The following GATB variants were observed in gnomAD, a reference collection of about 807,000 sequenced individuals.
The protein encoded by GATB is glutamyl-tRNA amidotransferase subunit B, also known as glutamyl-tRNA(Gln) amidotransferase subunit B, mitochondrial.
A neutral mutation model predicts 62.3 loss-of-function variants in GATB; 39 were observed. The ratio of observed to expected loss-of-function variants is 0.63; its 90% CI spans 0.48 to 0.82. The LOEUF (loss-of-function observed/expected upper bound fraction) is 0.82, where lower values mean the gene tolerates loss of function less well. GATB is among the 40% of genes least tolerant of loss of function. The pLI is 0.00. For synonymous variants in GATB, 276 were observed against 258.9 expected, an observed-to-expected ratio of 1.07 and a Z score of -0.63; for missense variants, 670 against 684.0, an observed-to-expected ratio of 0.98 and a Z score of 0.23.
rs765475954 is a variant in GATB, at chr4:151,671,256, A to C, written c.1592T>G (p.Ile531Ser). The change falls in exon 13 of 13, where the codon ATT (isoleucine) becomes AGT (serine). Residue 531 changes from isoleucine (I) to serine (S), a missense_variant. Ile to Ser is a moderately radical substitution (Grantham distance 142). Transcript: ENST00000263985. The stretch of plus-strand genomic sequence containing the variant: ...TTGAGTCGCTTTCCGGACCAACCCA[A>C]TCAGTTTATTTATAGCTCTGGGGTT... ...NRNPRAINKL[I>S]GLVRKATQSR... 1 of 1,613,810 alleles carries C rather than the reference A, an allele frequency of 6.2e-7. No individual in the cohort carries two copies. The highest frequency in any genetic ancestry group is 1.3e-5 in the African/African-American group (1 of 74,892).
At chr4:151,727,339 G>A (rs186804072) in intron 2 of GATB, among the ~76,000 whole-genome samples, 191 of 152,306 alleles carry the variant, frequency 1.3e-3, no homozygotes, top group African/African-American at 4.4e-3. Flanking sequence ...CCCTAATATG[G>A]ATGAAAAGAG....
chr4:151,710,608 G>T (rs987697762), intron 5 of GATB, among the ~76,000 whole-genome samples: 2 of 152,260 alleles, frequency 1.3e-5, no homozygotes, highest in Non-Finnish European at 2.9e-5. Context: ...CACAGGACAC[G>T]CTTGTCTTCA....
chr4:151,729,377 T>C (rs1215702791), intron 2 of GATB, among the ~76,000 whole-genome samples: 1 of 152,154 alleles, frequency 6.6e-6, no homozygotes, highest in Non-Finnish European at 1.5e-5. Context: ...CTAAATGCAA[T>C]GGGTGCTCTT....
chr4:151,754,495 G>T (rs1198752961), intron 2 of GATB, among the ~76,000 whole-genome samples: 1 of 152,160 alleles, frequency 6.6e-6, no homozygotes, highest in African/African-American at 2.4e-5. Context: ...CGTCTACCAA[G>T]TTCAAAACTG....
intron 2 of GATB, among the ~76,000 whole-genome samples, chr4:151,748,866 C>G (rs1407366040): frequency 6.6e-6 from 1 of 152,204 alleles, no homozygotes; most frequent in Non-Finnish European, 1.5e-5. Context: ...ATAGACACTT[C>G]TCAAAAGAAG....
intron 1 of GATB, among the ~76,000 whole-genome samples, 160 bp downstream of exon 1, chr4:151,760,647 T>G (rs1560870041): frequency 6.6e-6 from 1 of 152,176 alleles, no homozygotes; most frequent in African/African-American, 2.4e-5. Flanking sequence ...TGATAGAAAG[T>G]CTGTTTGTGC....
intron 2 of GATB, chr4:151,722,279 G>A (rs1739047141): frequency 1.4e-6 from 1 of 697,222 alleles, no homozygotes; most frequent in African/African-American, 1.8e-5. Context: ...AGATAAATAG[G>A]ACTCTGTCTC....
At position 151,671,208 on chromosome 4, in the gene GATB, A is replaced by G; in HGVS notation, c.1640T>C (p.Ile547Thr). ...CAGCTTCTTCTCCAGGATCTCCTTT[A>G]TCATGACTGGATCTGCTCGGCTTTG... ...ATQSRADPVM[I>T]KEILEKKLSL The change falls in exon 13 of 13, where the codon ATA (isoleucine) becomes ACA (threonine). Residue 547 changes from isoleucine (I) to threonine (T), a missense_variant. By Grantham distance (89) the Ile-to-Thr change is moderately conservative. Coordinates refer to ENST00000263985, the MANE Select transcript of GATB (RefSeq NM_004564.3). 6.2e-7 allele frequency: 1 copy of G among 1,614,182 alleles called. No homozygotes were observed. The highest frequency in any genetic ancestry group is 2.2e-5 in the East Asian group (1 of 44,880).
chr4:151,728,264 C>A (rs901270038), intron 2 of GATB, among the ~76,000 whole-genome samples: 1 of 152,214 alleles, frequency 6.6e-6, no homozygotes, highest in Non-Finnish European at 1.5e-5. Flanking sequence ...CCAATTTTTA[C>A]TCCCATCTCA....
At chr4:151,723,408 C>A (rs191796099) in intron 2 of GATB, 2 of 152,318 alleles carry the variant, frequency 1.3e-5, no homozygotes, top group Admixed American at 6.5e-5. Flanking sequence ...TATATTCAAT[C>A]TGAAATCTTA....
At chr4:151,671,405 A>G (rs1737856877) in intron 12 of GATB, 103 bp from the exon 13 acceptor site, 1 of 1,121,572 alleles carries the variant, frequency 8.9e-7, no homozygotes, top group African/African-American at 1.6e-5. Flanking sequence ...AATTCCGCTT[A>G]TTTCCACTAG....
At chr4:151,755,269 T>C (rs116266203) in intron 2 of GATB, among the ~76,000 whole-genome samples, 2,012 of 152,350 alleles carry the variant, frequency 0.013, 41 homozygotes, top group African/African-American at 0.046. Flanking sequence ...CTCACTAGAA[T>C]TTTTATCTTT....
In GATB at chr4:151,707,906, C is replaced by A. The variant is rs1738744455; in HGVS notation, c.877+82G>T. 3.4e-6 allele frequency: 3 copies of A among 884,654 alleles called. No individual in the cohort carries two copies. The East Asian group carries it at 7.5e-5, about 22-fold the overall frequency. 54.8% of individuals were successfully genotyped at this position (884,654 alleles called of 1,614,324 possible). A position where few individuals can be genotyped will look rare whatever the true frequency, so the allele number is the denominator to read the frequency against. On this transcript the variant is annotated intron_variant, in intron 6 of 12. Transcript: ENST00000263985. Reference sequence around the variant, plus strand: ...AAACGAAAGTAGTTCTTGTGTAAGCCACTAAGTTTCTGGGTTGTTTGTTAC... The same window carrying A: ...AAACGAAAGTAGTTCTTGTGTAAGCAACTAAGTTTCTGGGTTGTTTGTTAC...
intron 2 of GATB, among the ~76,000 whole-genome samples, chr4:151,731,129 TCC>T (rs1399461571): frequency 9.6e-6 from 1 of 103,882 alleles, no homozygotes; most frequent in African/African-American, 3.6e-5. Flanking sequence ...CCCCACGGTC[TCC>T]CTCTCTCTTT....
intron 9 of GATB, among the ~76,000 whole-genome samples, chr4:151,691,358 G>A (rs1318049671): frequency 1.3e-5 from 2 of 152,062 alleles, no homozygotes; most frequent in East Asian, 1.9e-4. Context: ...AGGCATGAGC[G>A]GTCCTGTCTT....
intron 12 of GATB, among the ~76,000 whole-genome samples, chr4:151,672,134 T>C (rs1453870152): frequency 5.3e-5 from 8 of 151,998 alleles, no homozygotes; most frequent in Admixed American, 5.2e-4. Flanking sequence ...TGCCGACAAT[T>C]TTTTTCCCCA....
At chr4:151,678,883 G>T (rs1197435021) in intron 11 of GATB, among the ~76,000 whole-genome samples, 1 of 151,854 alleles carries the variant, frequency 6.6e-6, no homozygotes, top group Non-Finnish European at 1.5e-5. Context: ...CTGGTTATGT[G>T]TTTTTTTTGT....
intron 3 of GATB, 115 bp from the exon 4 acceptor site, chr4:151,717,189 A>T: frequency 1.0e-6 from 1 of 986,924 alleles, no homozygotes; most frequent in Non-Finnish European, 1.5e-6. Flanking sequence ...AGCAAAAACA[A>T]CAAGAAAAAA....
chr4:151,742,950 G>T (rs1739523135), intron 2 of GATB, among the ~76,000 whole-genome samples: 1 of 151,932 alleles, frequency 6.6e-6, no homozygotes, highest in African/African-American at 2.4e-5. Flanking sequence ...AAGAAATAAA[G>T]AACTGAATAC....
Sources: allele counts gnomAD v4.1 joint callset (sites outside exome capture counted in the v4.1 genomes callset), GRCh38; gene constraint gnomAD v4.1.1; transcripts MANE v1.5; gene names NCBI Gene and HGNC (gene_info 2026-07-23, HGNC 2026-07-21).